The following HS6ST2 variants were observed in gnomAD, a reference collection of about 807,000 sequenced individuals.
HS6ST2 encodes the protein heparan-sulfate 6-O-sulfotransferase 2.
Under a neutral mutation model 33.0 loss-of-function variants are expected in HS6ST2, and 17 were observed. The ratio of observed to expected loss-of-function variants is 0.52; its 90% confidence interval spans 0.35 to 0.77. The LOEUF (loss-of-function observed/expected upper bound fraction) is 0.77, where lower values mean the gene tolerates loss of function less well. Ranked by LOEUF, HS6ST2 falls within the 30% of genes least tolerant of loss-of-function variation. HS6ST2 has a pLI of 0.01. For synonymous variants in HS6ST2, 248 were observed against 237.1 expected, an observed-to-expected ratio of 1.05 and a Z score of -0.42; for missense variants, 519 against 551.7, an observed-to-expected ratio of 0.94 and a Z score of 0.59.
intron 2 of HS6ST2, among the ~76,000 whole-genome samples, chrX:132,782,296 C>A (rs751316022): frequency 9.0e-6 from 1 of 111,475 alleles, no homozygotes; most frequent in African/African-American, 3.3e-5. Context: ...TTCTGAGAGC[C>A]ATGGAACAGT....
upstream of HS6ST2, among the ~76,000 whole-genome samples, chrX:132,960,583 AG>A (rs2067136086): frequency 9.1e-6 from 1 of 109,404 alleles, no homozygotes; most frequent in Admixed American, 9.8e-5. Flanking sequence ...GGGAAAAGTC[AG>A]GTTTTACTCA....
chrX:132,944,719 T>A (rs1180466230), intron 2 of HS6ST2, among the ~76,000 whole-genome samples: 6 of 110,886 alleles, frequency 5.4e-5, no homozygotes, highest in African/African-American at 2.0e-4. Context: ...AACCATCTGA[T>A]CTTTGACAAA....
chrX:132,794,465 C>T (rs757704549), intron 2 of HS6ST2, among the ~76,000 whole-genome samples: 67 of 110,799 alleles, frequency 6.0e-4, no homozygotes, highest in Admixed American at 3.4e-3. Flanking sequence ...ATGATCATGG[C>T]TCACTGCAGC....
At chrX:132,743,990 T>C (rs1352191012) in intron 2 of HS6ST2, among the ~76,000 whole-genome samples, 1 of 111,075 alleles carries the variant, frequency 9.0e-6, no homozygotes, top group Admixed American at 9.6e-5. Flanking sequence ...GGTCTTGCCA[T>C]GTTGCCCAGG....
intron 2 of HS6ST2, among the ~76,000 whole-genome samples, chrX:132,783,462 C>G (rs1303210807): frequency 1.8e-5 from 2 of 111,509 alleles, no homozygotes; most frequent in Non-Finnish European, 1.9e-5. Flanking sequence ...CTCTCCTCTT[C>G]CAAGCCCCAG....
intron 2 of HS6ST2, among the ~76,000 whole-genome samples, chrX:132,765,040 G>T (rs751708225): frequency 4.8e-4 from 54 of 112,183 alleles, no homozygotes; most frequent in African/African-American, 1.7e-3. Context: ...TAGCAAGTGT[G>T]GTTTTAAGTA....
intron 2 of HS6ST2, among the ~76,000 whole-genome samples, chrX:132,806,515 TA>T (rs1482467457): frequency 9.1e-6 from 1 of 110,008 alleles, no homozygotes; most frequent in African/African-American, 3.3e-5. Flanking sequence ...CTAAATGTCT[TA>T]GGGCAAGTGG....
intron 2 of HS6ST2, among the ~76,000 whole-genome samples, chrX:132,956,387 G>A (rs1387163202): frequency 1.8e-5 from 2 of 111,072 alleles, no homozygotes; most frequent in Non-Finnish European, 3.8e-5. Context: ...CCGAAAGGAG[G>A]AAGAGAGCGC....
intron 2 of HS6ST2, among the ~76,000 whole-genome samples, chrX:132,929,420 T>C (rs892198677): frequency 9.1e-6 from 1 of 110,448 alleles, no homozygotes; most frequent in Non-Finnish European, 1.9e-5. Flanking sequence ...AGGCCAGTAA[T>C]TTGAGGCTGC....
intron 2 of HS6ST2, among the ~76,000 whole-genome samples, chrX:132,769,873 G>A (rs894499509): frequency 1.8e-5 from 2 of 112,010 alleles, no homozygotes; most frequent in Non-Finnish European, 3.8e-5. Context: ...AACCCATGCC[G>A]AGACTCACTT....
intron 2 of HS6ST2, among the ~76,000 whole-genome samples, chrX:132,730,998 C>T (rs746373024): frequency 8.9e-6 from 1 of 111,952 alleles, no homozygotes; most frequent in Non-Finnish European, 1.9e-5. Context: ...TACATATATA[C>T]ACACTCCTGG....
At chrX:132,877,347 T>C (rs751790219) in intron 2 of HS6ST2, among the ~76,000 whole-genome samples, 29 of 112,787 alleles carry the variant, frequency 2.6e-4, no homozygotes, top group Non-Finnish European at 4.1e-4. Flanking sequence ...TACGTGTGTT[T>C]GCACTTATAA....
intron 2 of HS6ST2, among the ~76,000 whole-genome samples, chrX:132,886,678 G>A (rs2066256058): frequency 9.0e-6 from 1 of 110,885 alleles, no homozygotes; most frequent in Non-Finnish European, 1.9e-5. Flanking sequence ...GGGGAGGGAA[G>A]GGGAAGATAA....
chrX:132,877,618 T>A (rs1254840927), intron 2 of HS6ST2, among the ~76,000 whole-genome samples: 2 of 111,082 alleles, frequency 1.8e-5, no homozygotes, highest in East Asian at 5.7e-4. Flanking sequence ...CCCAAAAGGA[T>A]CAGCTCGGTA....
intron 2 of HS6ST2, among the ~76,000 whole-genome samples, chrX:132,777,254 T>C (rs1452701770): frequency 9.2e-6 from 1 of 108,236 alleles, no homozygotes. Flanking sequence ...AGCAGGAACA[T>C]TGGCATTCCC....
intron 2 of HS6ST2, chrX:132,808,720 T>C (rs2065310990): frequency 9.0e-6 from 1 of 111,602 alleles, no homozygotes; most frequent in Non-Finnish European, 1.9e-5. Context: ...GCGAAATGGC[T>C]AAGAGATGCT....
chrX:132,764,834 T>G (rs2064831034), intron 2 of HS6ST2, among the ~76,000 whole-genome samples: 1 of 112,015 alleles, frequency 8.9e-6, no homozygotes, highest in African/African-American at 3.2e-5. Flanking sequence ...GGGGTGGTTT[T>G]GGGGGTGTTC....
At position 132,626,575 on chromosome X, in the gene HS6ST2, A is replaced by C. The variant is rs1424920928; in HGVS notation, c.*1648T>G. ...AACCCAAATACCCAGCTTCTTGTCC[A>C]GTTTGTGGCTATATTACTACAGATG... On this transcript the variant is annotated 3_prime_UTR_variant, in exon 5 of 5. Coordinates refer to ENST00000370833, the MANE Select transcript of HS6ST2 (RefSeq NM_001394073.1). 1 of 112,187 alleles carries C rather than the reference A, an allele frequency of 8.9e-6. No homozygotes were observed. The highest frequency in any genetic ancestry group is 2.8e-4 in the East Asian group (1 of 3,579). 9.2% of individuals were successfully genotyped at this position (112,187 alleles called of 1,213,427 possible).
At chrX:132,714,356 C>T (rs755518401) in intron 2 of HS6ST2, among the ~76,000 whole-genome samples, 2 of 110,605 alleles carry the variant, frequency 1.8e-5, no homozygotes, top group African/African-American at 3.3e-5. Flanking sequence ...CCCTCTGTTG[C>T]CCAGGCTGTG....
Sources: allele counts gnomAD v4.1 joint callset (sites outside exome capture counted in the v4.1 genomes callset), GRCh38; gene constraint gnomAD v4.1.1; transcripts MANE v1.5; gene names NCBI Gene and HGNC (gene_info 2026-07-23, HGNC 2026-07-21).